HIBCH: variants seen among roughly 807,000 people sequenced by gnomAD.
HIBCH encodes 3-hydroxyisobutyryl-CoA hydrolase.
In HIBCH, 50 loss-of-function variants were observed where a neutral mutation model predicts 58.2. That is an observed-to-expected ratio of 0.86 (90% CI 0.68 to 1.09). HIBCH has a LOEUF of 1.09. Among genes scored for constraint, HIBCH ranks in the 50% least tolerant of loss-of-function variants. The pLI, the probability that HIBCH is intolerant of heterozygous loss-of-function variation, is 0.00. For missense variants in HIBCH, 450 were observed against 449.7 expected (o/e 1.00, Z -0.01); for synonymous variants, 151 against 146.9 (o/e 1.03, Z -0.20).
intron 5 of HIBCH, among the ~76,000 whole-genome samples, chr2:190,289,115 GATAA>G (rs1022880384): frequency 6.6e-6 from 1 of 151,634 alleles, no homozygotes; most frequent in Non-Finnish European, 1.5e-5. Flanking sequence ...TCTCTTAAAA[GATAA>G]ATAAATAATA....
Position 190,279,595 on chromosome 2 carries a change from A to G in HIBCH, c.438+7991T>C, listed in dbSNP as rs1404764858. On this transcript the variant is annotated intron_variant, in intron 6 of 13. Coordinates refer to ENST00000359678, the MANE Select transcript of HIBCH (RefSeq NM_014362.4). This position sits in a 1 kb window ranked among gnomAD's most constrained non-coding sequence, Gnocchi z 4.2. ...CTTTCCTCCCTGTCTAATTAGGAAT[A>G]AATAGTAAATTCTCTTAGAAGCAAA... 2.0e-5 allele frequency among the ~76,000 whole-genome samples: 3 copies of G among 152,240 alleles called. No individual in the cohort carries two copies. The highest frequency in any genetic ancestry group is 7.2e-5 in the African/African-American group (3 of 41,470).
Position 190,215,202 on chromosome 2 carries a change from T to C in HIBCH, c.892-2127A>G, listed in dbSNP as rs763284865. 9 of 152,260 alleles carry C rather than the reference T, an allele frequency of 5.9e-5. No individual in the cohort carries two copies. The highest frequency in any genetic ancestry group is 2.6e-4 in the Admixed American group (4 of 15,296). The allele number at this position is 152,260 out of a possible 1,614,324, so 9.4% of individuals were successfully genotyped here. A position where few individuals can be genotyped will look rare whatever the true frequency, so the allele number is the denominator to read the frequency against. ...GCTGAGATGATGTCAATCATGAATATTGTGTTTACTGGGGAAGAGAGGGGA... is the reference window on the plus strand; with the variant it reads ...GCTGAGATGATGTCAATCATGAATACTGTGTTTACTGGGGAAGAGAGGGGA... On this transcript the variant is annotated intron_variant, in intron 11 of 13. Transcript: ENST00000359678. The surrounding 1 kb of genome is among the most constrained non-coding windows in gnomAD (Gnocchi z 4.4).
chr2:190,318,298 G>A (rs550459827), intron 1 of HIBCH, among the ~76,000 whole-genome samples: 1 of 152,070 alleles, frequency 6.6e-6, no homozygotes, highest in South Asian at 2.1e-4. Context: ...GGGGTAAGGA[G>A]AGGCGGTGGA....
intron 3 of HIBCH, among the ~76,000 whole-genome samples, chr2:190,295,268 C>A (rs1688073788): frequency 6.6e-6 from 1 of 152,128 alleles, no homozygotes; most frequent in African/African-American, 2.4e-5. Flanking sequence ...GGTTGAGTAT[C>A]CCTTATCTGA....
chr2:190,290,522 T>G (rs1302727669), intron 4 of HIBCH, 37 bp from the exon 5 acceptor site: 1 of 1,286,430 alleles, frequency 7.8e-7, no homozygotes, highest in African/African-American at 1.5e-5. Flanking sequence ...AAAAAAAGAT[T>G]TAATAGTCAA....
chr2:190,240,177 A>C (rs1286716068), intron 11 of HIBCH, among the ~76,000 whole-genome samples: 1 of 152,002 alleles, frequency 6.6e-6, no homozygotes, highest in African/African-American at 2.4e-5. Flanking sequence ...CAATTTCAGA[A>C]ATTGTTATTG....
intron 2 of HIBCH, among the ~76,000 whole-genome samples, chr2:190,307,810 T>G (rs1688453132): frequency 6.6e-6 from 1 of 152,272 alleles, no homozygotes; most frequent in Admixed American, 6.5e-5. Flanking sequence ...CCACTGGCTT[T>G]CATTAGCTTG....
At chr2:190,201,171 T>C (rs1559005676), downstream of HIBCH, 1 of 167,040 alleles carries the variant, frequency 6.0e-6, no homozygotes, top group Non-Finnish European at 1.5e-5. Flanking sequence ...CACAAGCCTA[T>C]AGGGCATTTA....
In HIBCH at chr2:190,244,967, A is replaced by G; in HGVS notation, c.811T>C (p.Cys271Arg). The G allele has an allele frequency of 6.3e-7, 1 of 1,582,294 alleles. No homozygotes were observed. The highest frequency in any genetic ancestry group is 1.1e-5 in the South Asian group (1 of 90,402). ...LEEHMDKINS[C>R]FSANTVEEII... ...TCTTCCACAGTATTGGCTGAAAAACAACTATAAAAAAAGGAAATGTGATTT... is the reference window on the plus strand; with the variant it reads ...TCTTCCACAGTATTGGCTGAAAAACGACTATAAAAAAAGGAAATGTGATTT... The change falls in exon 11 of 14, where the codon TGT becomes CGT. Residue 271 changes from cysteine to arginine, a missense_variant and splice_region_variant. By Grantham distance (180) the Cys-to-Arg change is radical. Coordinates refer to ENST00000359678, the MANE Select transcript of HIBCH (RefSeq NM_014362.4).
intron 2 of HIBCH, among the ~76,000 whole-genome samples, chr2:190,303,776 A>G (rs1050508978): frequency 1.3e-5 from 2 of 152,210 alleles, no homozygotes; most frequent in African/African-American, 4.8e-5. Context: ...ATAGTGGAAA[A>G]CAATAAATGG....
chr2:190,212,430 G>T (rs1690534376), intron 12 of HIBCH, among the ~76,000 whole-genome samples: 1 of 152,132 alleles, frequency 6.6e-6, no homozygotes, highest in African/African-American at 2.4e-5. Context: ...TCATCTGGAA[G>T]AATAAATAAA....
At chr2:190,259,875 T>C (rs1305457974) in intron 7 of HIBCH, among the ~76,000 whole-genome samples, 1 of 152,194 alleles carries the variant, frequency 6.6e-6, no homozygotes, top group South Asian at 2.1e-4. Flanking sequence ...GGACTTTCAA[T>C]ACAGCATTGA....
chr2:190,229,110 G>T (rs1361567453), intron 11 of HIBCH, among the ~76,000 whole-genome samples: 3 of 152,130 alleles, frequency 2.0e-5, no homozygotes, highest in African/African-American at 7.2e-5. Flanking sequence ...GGTATGCAAA[G>T]GTAGAGGCTA....
At chr2:190,199,632 G>T (rs1690151102), downstream of HIBCH, 4 of 989,170 alleles carry the variant, frequency 4.0e-6, no homozygotes, top group East Asian at 9.0e-5. Flanking sequence ...ATTTTTACAT[G>T]CCACTCAATC....
intron 7 of HIBCH, among the ~76,000 whole-genome samples, chr2:190,256,966 T>A (rs912383702): frequency 6.6e-6 from 1 of 152,208 alleles, no homozygotes; most frequent in South Asian, 2.1e-4. Context: ...GAATGAAGCA[T>A]AAGTGAGCCT....
chr2:190,249,344 T>C (rs557181897), intron 9 of HIBCH, among the ~76,000 whole-genome samples: 2 of 152,202 alleles, frequency 1.3e-5, no homozygotes, highest in African/African-American at 4.8e-5. Context: ...AGTGTTAACA[T>C]TGAACACCGT....
chr2:190,251,492 G>A (rs2105940591), intron 8 of HIBCH: 1 of 429,058 alleles, frequency 2.3e-6, no homozygotes, highest in Non-Finnish European at 4.8e-6. Flanking sequence ...AAACTACCTT[G>A]AATTGGGTCT....
Position 190,244,938 on chromosome 2 carries a change from A to C in HIBCH, c.840T>G (p.Ile280Met). Residue 280 changes from isoleucine (I) to methionine (M), a missense_variant, in exon 11 of 14, where the codon ATT becomes ATG. Physicochemically the swap from Ile to Met is conservative, Grantham distance 10 (BLOSUM62 1). Coordinates refer to ENST00000359678, the MANE Select transcript of HIBCH (RefSeq NM_014362.4). Reference sequence around the variant, plus strand: ...AACCATCTTGCTGTAAGTTTTCAATAATTTCTTCCACAGTATTGGCTGAAA... The same window carrying C: ...AACCATCTTGCTGTAAGTTTTCAATCATTTCTTCCACAGTATTGGCTGAAA... The part of the protein sequence containing the change: ...SCFSANTVEE[I>M]IENLQQDGSS... 1 of 1,610,510 alleles carries C rather than the reference A, an allele frequency of 6.2e-7. No homozygotes were observed. The highest frequency in any genetic ancestry group is 8.5e-7 in the Non-Finnish European group (1 of 1,176,764).
chr2:190,317,464 A>G (rs1186688197), intron 1 of HIBCH, among the ~76,000 whole-genome samples: 3 of 152,254 alleles, frequency 2.0e-5, no homozygotes, highest in African/African-American at 7.2e-5. Flanking sequence ...ACAGAACAGT[A>G]GGTAATTGTT....
Sources: allele counts gnomAD v4.1 joint callset (sites outside exome capture counted in the v4.1 genomes callset), GRCh38; gene constraint gnomAD v4.1.1; non-coding constraint Gnocchi (gnomAD v3.1); transcripts MANE v1.5; gene names NCBI Gene and HGNC (gene_info 2026-07-23, HGNC 2026-07-21).